PIAS4: variants seen among roughly 807,000 people sequenced by gnomAD.
PIAS4 encodes the protein E3 SUMO-protein ligase PIAS4.
In PIAS4, 7 loss-of-function variants were observed where a neutral mutation model predicts 58.0. The observed-to-expected ratio is 0.12, with a 90% CI of 0.07 to 0.23. The LOEUF (loss-of-function observed/expected upper bound fraction) is 0.23, where lower values mean the gene tolerates loss of function less well. PIAS4 is among the 10% of genes least tolerant of loss of function. The pLI, the probability that PIAS4 is intolerant of heterozygous loss-of-function variation, is 1.00. For missense variants in PIAS4, 550 were observed against 709.5 expected (o/e 0.78, Z 2.55); for synonymous variants, 364 against 312.4 (o/e 1.17, Z -1.74).
chr19:4,019,486 C>T (rs558166256), intron 2 of PIAS4, among the ~76,000 whole-genome samples: 1 of 152,314 alleles, frequency 6.6e-6, no homozygotes, highest in South Asian at 2.1e-4. Context: ...GCTGGGGACC[C>T]ACCCTTCTCC....
In PIAS4 at chr19:4,033,281, G is replaced by A. The variant is rs75502420; in HGVS notation, c.981+108G>A. The A allele has an allele frequency of 0.011, 14,617 of 1,354,740 alleles. 1,270 individuals carry two copies. In the African/African-American group the frequency reaches 0.19, roughly 17 times the overall value. 83.9% of individuals were successfully genotyped at this position (1,354,740 alleles called of 1,614,324 possible). The stretch of plus-strand genomic sequence containing the variant: ...GGCTGGGCCGTGAGCCTGCGGGGGC[G>A]AGGCTGGTCTTCGTCCCCTCCGTGT... On this transcript the variant is annotated intron_variant, in intron 8 of 10. Transcript: ENST00000262971.
rs774340944 is a variant in PIAS4, at chr19:4,037,435, G to A, written c.1204G>A (p.Gly402Ser). The change falls in exon 10 of 11, where the codon GGC (glycine) becomes AGC (serine). Residue 402 changes from glycine to serine, a missense_variant. Gly to Ser is a moderately conservative substitution (Grantham distance 56). Coordinates refer to ENST00000262971, the MANE Select transcript of PIAS4 (RefSeq NM_015897.4). This position sits in a 1 kb window ranked among gnomAD's most constrained non-coding sequence, Gnocchi z 5.8. ...DADEIEYLVD[G>S]SWCPIRAEKE... ...CGACGAGATCGAGTACCTGGTGGAC[G>A]GCTCGTGGTGCCCGATCCGCGCCGA... 9.3e-6 allele frequency: 15 copies of A among 1,611,754 alleles called. No individual in the cohort carries two copies. The highest frequency in any genetic ancestry group is 2.2e-5 in the East Asian group (1 of 44,846).
chr19:4,035,276 T>A (rs1568221366), intron 9 of PIAS4, among the ~76,000 whole-genome samples: 1 of 152,044 alleles, frequency 6.6e-6, no homozygotes, highest in Admixed American at 6.5e-5. Context: ...AGCTGTAGCC[T>A]TGACAGTAAC....
chr19:4,035,313 C>T (rs1046588761), intron 9 of PIAS4, among the ~76,000 whole-genome samples: 6 of 152,208 alleles, frequency 3.9e-5, no homozygotes, highest in South Asian at 2.1e-4. Context: ...TGCATGGACC[C>T]GTGGGGCAGG....
At chr19:4,017,577 T>C (rs1269555862) in intron 2 of PIAS4, 1 of 148,152 alleles carries the variant, frequency 6.7e-6, no homozygotes, top group Non-Finnish European at 1.5e-5. Flanking sequence ...CTGGACAGGG[T>C]GGGTCCGGGA....
At chr19:4,011,692 G>T (rs1301822820) in intron 1 of PIAS4, among the ~76,000 whole-genome samples, 4,862 of 120,014 alleles carry the variant, frequency 0.041, 405 homozygotes, top group African/African-American at 0.17. Flanking sequence ...GAGGTGTGTG[G>T]GGTGTGGAGG....
intron 1 of PIAS4, among the ~76,000 whole-genome samples, 168 bp from the exon 2 acceptor site, chr19:4,012,755 C>T (rs1473316755): frequency 3.3e-5 from 5 of 151,272 alleles, no homozygotes; most frequent in Non-Finnish European, 7.4e-5. Context: ...CAGGGCTTTG[C>T]TGGGAGGGGG....
intron 4 of PIAS4, 67 bp from the exon 5 acceptor site, chr19:4,028,443 C>T (rs1054355565): frequency 2.5e-6 from 3 of 1,177,286 alleles, no homozygotes; most frequent in East Asian, 2.5e-5. Context: ...CACTCGTGTA[C>T]CCCCGCAGCA....
chr19:4,028,349 C>T (rs571958540), intron 4 of PIAS4, 161 bp from the exon 5 acceptor site: 21 of 790,168 alleles, frequency 2.7e-5, no homozygotes, highest in African/African-American at 6.8e-5. Context: ...CATCACCATC[C>T]GACCCCCACT....
At chr19:4,018,987 G>C (rs2040081057) in intron 2 of PIAS4, among the ~76,000 whole-genome samples, 1 of 152,108 alleles carries the variant, frequency 6.6e-6, no homozygotes, top group African/African-American at 2.4e-5. Flanking sequence ...GGGGTACTGA[G>C]GGTCAGGGGT....
intron 1 of PIAS4, 83 bp from the exon 2 acceptor site, chr19:4,012,840 C>T: frequency 2.1e-6 from 3 of 1,424,052 alleles, no homozygotes; most frequent in Non-Finnish European, 1.9e-6. Context: ...CTTTCACGGC[C>T]CCCACATCGG....
At chr19:4,036,673 ACAC>A (rs1247600256) in intron 9 of PIAS4, among the ~76,000 whole-genome samples, 2 of 140,496 alleles carry the variant, frequency 1.4e-5, no homozygotes, top group Non-Finnish European at 3.0e-5. Context: ...TATACAGTCC[ACAC>A]CGTCACACAT....
chr19:4,020,077 C>T (rs1451346708), intron 2 of PIAS4, among the ~76,000 whole-genome samples: 2 of 152,044 alleles, frequency 1.3e-5, no homozygotes, highest in African/African-American at 4.8e-5. Flanking sequence ...CCACCACGCC[C>T]GGCTAATTTT....
intron 3 of PIAS4, 109 bp downstream of exon 3, chr19:4,024,229 TCA>T (rs2040140335): frequency 1.2e-6 from 1 of 818,916 alleles, no homozygotes; most frequent in Non-Finnish European, 2.1e-6. Flanking sequence ...TCGCTCGGGC[TCA>T]GTCCAGAACC....
Position 4,023,597 on chromosome 19 carries a change from C to T in PIAS4, c.455-439C>T, listed in dbSNP as rs373271113. On this transcript the variant is annotated intron_variant, in intron 2 of 10. Transcript: ENST00000262971. Reference sequence around the variant, plus strand: ...TGGCCTTCATCCCGTCAGTACCCCCCGCACCACCTCTGTCCGGGTGACGTG... The same window carrying T: ...TGGCCTTCATCCCGTCAGTACCCCCTGCACCACCTCTGTCCGGGTGACGTG... Among the ~76,000 whole-genome samples the T allele has an allele frequency of 8.1e-4, 123 of 152,338 alleles. 3 individuals are homozygous for T. The South Asian group carries it at 0.021, about 25-fold the overall frequency.
intron 1 of PIAS4, 59 bp downstream of exon 1, chr19:4,007,846 CG>C: frequency 8.5e-7 from 1 of 1,181,114 alleles, no homozygotes; most frequent in Non-Finnish European, 1.1e-6. Context: ...GGGGCCGGGC[CG>C]CAGGTCGAGG....
chr19:4,025,224 A>C (rs2144924701), intron 3 of PIAS4, among the ~76,000 whole-genome samples: 1 of 152,138 alleles, frequency 6.6e-6, no homozygotes, highest in East Asian at 1.9e-4. Flanking sequence ...GAACACCCCT[A>C]ACTCTGACAA....
rs568396483 is a variant in PIAS4, at chr19:4,022,689, T to G, written c.455-1347T>G. Among the ~76,000 whole-genome samples the G allele has an allele frequency of 4.6e-4, 70 of 151,822 alleles. 1 individual carries two copies. The South Asian group carries it at 0.012, about 26-fold the overall frequency. On this transcript the variant is annotated intron_variant, in intron 2 of 10. Coordinates refer to ENST00000262971, the MANE Select transcript of PIAS4 (RefSeq NM_015897.4). ...CCGTTTGTTTTTGTTTTTGTTTTTT[T>G]GGGTTTTTTTGGAAACAGTCTCACT...
chr19:4,031,619 CG>C (rs1296088327), intron 7 of PIAS4, among the ~76,000 whole-genome samples: 16 of 152,074 alleles, frequency 1.1e-4, no homozygotes, highest in Non-Finnish European at 1.9e-4. Context: ...TCTAGGCCCA[CG>C]GGGTGGGGGC....
Sources: allele counts gnomAD v4.1 joint callset (sites outside exome capture counted in the v4.1 genomes callset), GRCh38; gene constraint gnomAD v4.1.1; non-coding constraint Gnocchi (gnomAD v3.1); transcripts MANE v1.5; gene names NCBI Gene and HGNC (gene_info 2026-07-23, HGNC 2026-07-21).